Variants in NUP107 observed in about 807,000 individuals in gnomAD.
The protein encoded by NUP107 is nucleoporin 107.
Under a neutral mutation model 141.0 loss-of-function variants are expected in NUP107, and 101 were observed. The observed-to-expected ratio is 0.72, with a 90% confidence interval of 0.61 to 0.84. NUP107 has a LOEUF of 0.84. Ranked by LOEUF, NUP107 falls within the 40% of genes least tolerant of loss-of-function variation. The probability of loss-of-function intolerance (pLI) is 0.00; values close to 1 mark genes in which losing one functional copy is unlikely to be tolerated. For missense variants in NUP107, 941 were observed against 1,102.7 expected (o/e 0.85, Z 2.08); for synonymous variants, 319 against 363.9 (o/e 0.88, Z 1.41).
chr12:68,736,747 A>T (rs1878089119), intron 26 of NUP107, among the ~76,000 whole-genome samples: 4 of 127,542 alleles, frequency 3.1e-5, no homozygotes, highest in South Asian at 2.5e-4. Flanking sequence ...TTTGAGAAAG[A>T]GTTTTGCTCT....
chr12:68,705,529 CT>C, intron 8 of NUP107: 8 of 265,706 alleles, frequency 3.0e-5, no homozygotes, highest in East Asian at 8.8e-5. Context: ...CAAAAGTATT[CT>C]TTAAAAAAAA....
At position 68,713,714 on chromosome 12, in the gene NUP107, T is replaced by G. The variant is rs1876976655; in HGVS notation, c.891-16T>G. ...AATTACCTCTTAAAAAATTTGGTACTTATTATTTCTTTCAGGGAAAATACT... is the reference window on the plus strand; with the variant it reads ...AATTACCTCTTAAAAAATTTGGTACGTATTATTTCTTTCAGGGAAAATACT... On this transcript the variant is annotated splice_polypyrimidine_tract_variant and intron_variant, in intron 10 of 27. Transcript: ENST00000229179. The G allele has an allele frequency of 1.3e-6, 2 of 1,578,398 alleles. No individual in the cohort carries two copies. Among genetic ancestry groups the G allele is most frequent in the Admixed American group, 3.9e-5 (2 of 51,528 alleles).
intron 6 of NUP107, among the ~76,000 whole-genome samples, 153 bp from the exon 7 acceptor site, chr12:68,700,573 T>A (rs1447752506): frequency 6.6e-6 from 1 of 152,208 alleles, no homozygotes; most frequent in African/African-American, 2.4e-5. Context: ...GAACATTACA[T>A]TACATTTAAT....
rs1205074022 is a variant in NUP107, at chr12:68,696,806, T to G, written c.449-13T>G. On this transcript the variant is annotated splice_polypyrimidine_tract_variant and intron_variant, in intron 5 of 27. Transcript: ENST00000229179. ...TTTTCTTTATTCCTTTTTTTTTTTT[T>G]GATGTGTTCTAGCATCCATGAGTAT... is the stretch of plus-strand genomic sequence containing the variant. 1 of 1,418,458 alleles carries G rather than the reference T, an allele frequency of 7.0e-7. No homozygotes were observed. The highest frequency in any genetic ancestry group is 1.4e-5 in the African/African-American group (1 of 69,496). The allele number at this position is 1,418,458 out of a possible 1,614,324, so 87.9% of individuals were successfully genotyped here. A position where few individuals can be genotyped will look rare whatever the true frequency, so the allele number is the denominator to read the frequency against.
chr12:68,694,081 G>A (rs1875936221), intron 5 of NUP107, among the ~76,000 whole-genome samples: 1 of 152,148 alleles, frequency 6.6e-6, no homozygotes, highest in Admixed American at 6.6e-5. Context: ...AGGAAGTAGT[G>A]GTACCAGGAT....
chr12:68,725,843 T>TTG (rs1565699855), intron 18 of NUP107, 47 bp downstream of exon 18: 5 of 1,065,854 alleles, frequency 4.7e-6, no homozygotes, highest in Non-Finnish European at 6.9e-6. Context: ...GTGTGTTTTT[T>TTG]TTTTTTTTTT....
At chr12:68,724,123 T>C (rs1423170156) in intron 17 of NUP107, among the ~76,000 whole-genome samples, 1 of 151,948 alleles carries the variant, frequency 6.6e-6, no homozygotes, top group African/African-American at 2.4e-5. Flanking sequence ...AGTAGCCAGA[T>C]ACAAGACAAC....
At chr12:68,694,560 C>A (rs1255105926) in intron 5 of NUP107, among the ~76,000 whole-genome samples, 1 of 152,122 alleles carries the variant, frequency 6.6e-6, no homozygotes, top group Non-Finnish European at 1.5e-5. Flanking sequence ...AAAACTGCTA[C>A]AACTCAACAA....
intron 20 of NUP107, among the ~76,000 whole-genome samples, chr12:68,729,634 G>A (rs1452947415): frequency 1.3e-5 from 2 of 151,704 alleles, no homozygotes; most frequent in Non-Finnish European, 2.9e-5. Flanking sequence ...GTAGAGACGG[G>A]GTTTCACCAC....
chr12:68,733,800 A>G (rs1299382388), intron 24 of NUP107, among the ~76,000 whole-genome samples, 188 bp downstream of exon 24: 1 of 152,244 alleles, frequency 6.6e-6, no homozygotes, highest in East Asian at 1.9e-4. Flanking sequence ...TCTCTAATCA[A>G]TGCTAACCAA....
intron 1 of NUP107, chr12:68,687,386 G>A (rs1875550586): frequency 9.4e-7 from 1 of 1,069,286 alleles, no homozygotes. Context: ...GAAATGCTAA[G>A]TGACCAGCCT....
intron 26 of NUP107, among the ~76,000 whole-genome samples, chr12:68,736,323 G>A (rs1224405342): frequency 1.3e-5 from 2 of 152,016 alleles, no homozygotes; most frequent in African/African-American, 2.4e-5. Flanking sequence ...CCAGAAGGAG[G>A]AAAAAGAATA....
chr12:68,729,196 G>A (rs1877707676), intron 20 of NUP107, among the ~76,000 whole-genome samples: 1 of 152,176 alleles, frequency 6.6e-6, no homozygotes, highest in African/African-American at 2.4e-5. Flanking sequence ...GGCAGGAAGT[G>A]GCTCTAAAGT....
rs72374995 is a variant in NUP107, at chr12:68,718,846, TTATGTATG to T, written c.1084-455_1084-448del. 8.8e-3 allele frequency among the ~76,000 whole-genome samples: 1,304 copies of T among 148,926 alleles called. 10 individuals carry two copies. Among genetic ancestry groups the T allele is most frequent in the African/African-American group, 0.016 (668 of 40,562 alleles). ...CATATGTTTTAAAAATAGAATGCCA[TTATGTATG>T]TATGTATGTATGTATGTATGTATGT... On this transcript the variant is annotated intron_variant, in intron 12 of 27. Transcript: ENST00000229179.
rs529229953 is a variant in NUP107 at position 68,701,678 on chromosome 12, C to CA, written c.680+835dup. 5.2e-3 allele frequency among the ~76,000 whole-genome samples: 737 copies of CA among 142,724 alleles called. 10 individuals are homozygous for CA. The highest frequency in any genetic ancestry group is 0.038 in the South Asian group (172 of 4,516). 93.6% of individuals were successfully genotyped at this position (142,724 alleles called of 152,430 possible). A position where few individuals can be genotyped will look rare whatever the true frequency, so the allele number is the denominator to read the frequency against. ...TGGGTGACAGAGTGAGACTCCATCTCAAAAAAAAAATAATAATTTAAATAA... is the reference window on the plus strand; with the variant it reads ...TGGGTGACAGAGTGAGACTCCATCTCAAAAAAAAAAATAATAATTTAAATAA... On this transcript the variant is annotated intron_variant, in intron 7 of 27. Coordinates refer to ENST00000229179, the MANE Select transcript of NUP107 (RefSeq NM_020401.4).
At chr12:68,701,696 TTAAA>T (rs777082210) in intron 7 of NUP107, among the ~76,000 whole-genome samples, 98 of 151,896 alleles carry the variant, frequency 6.5e-4, no homozygotes, top group South Asian at 2.1e-3. Context: ...AAATAATAAT[TTAAA>T]TAAATAAATA....
intron 17 of NUP107, among the ~76,000 whole-genome samples, chr12:68,723,199 T>A (rs35873734): frequency 0.034 from 5,192 of 151,534 alleles, 130 homozygotes; most frequent in African/African-American, 0.06. Context: ...ATAGCAAAAC[T>A]TCGTCTCTAA....
rs1472337046 is a variant in NUP107, at chr12:68,716,690, A to G, written c.1083+950A>G. On this transcript the variant is annotated intron_variant, in intron 12 of 27. Transcript: ENST00000229179. ...ATGTGGGTGATAGTTAATATCTTAT[A>G]TGTAGAATGATAAGTATCTAATTGG... is the stretch of plus-strand genomic sequence containing the variant. Among the ~76,000 whole-genome samples, 4 of 152,310 alleles carry G rather than the reference A, an allele frequency of 2.6e-5. No individual in the cohort carries two copies. In the Middle Eastern group the frequency reaches 0.01, roughly 389 times the overall value.
At position 68,709,299 on chromosome 12, in the gene NUP107, G is replaced by A. The variant is rs1286043204; in HGVS notation, c.791G>A (p.Arg264Gln). The change falls in exon 9 of 28, where the codon CGA (arginine) becomes CAA (glutamine). Residue 264 changes from arginine to glutamine, a missense_variant. Coordinates refer to ENST00000229179, the MANE Select transcript of NUP107 (RefSeq NM_020401.4). Reference sequence around the variant, plus strand: ...TTATTTCAGAGGGATTCACTTGTTCGACAAAGTCAGGTATGACTAGAATTT... The same window carrying A: ...TTATTTCAGAGGGATTCACTTGTTCAACAAAGTCAGGTATGACTAGAATTT... ...EALFQRDSLV[R>Q]QSQLVVDWLE... 8.1e-6 allele frequency: 13 copies of A among 1,596,340 alleles called. No individual in the cohort carries two copies. In the East Asian group the frequency reaches 1.1e-4, roughly 14 times the overall value.
Sources: allele counts gnomAD v4.1 joint callset (sites outside exome capture counted in the v4.1 genomes callset), GRCh38; gene constraint gnomAD v4.1.1; transcripts MANE v1.5; gene names NCBI Gene and HGNC (gene_info 2026-07-23, HGNC 2026-07-21).